The following SLC26A9 variants were observed in gnomAD, a reference collection of about 807,000 sequenced individuals.
SLC26A9 encodes anion transporter/exchanger protein 9.
A neutral mutation model predicts 87.1 loss-of-function variants in SLC26A9; 46 were observed. The observed-to-expected ratio is 0.53, with a 90% confidence interval of 0.42 to 0.67. The LOEUF is 0.67. SLC26A9 is among the 30% of genes least tolerant of loss of function. The pLI is 0.00. For missense variants in SLC26A9, 927 were observed against 1,018.3 expected, an observed-to-expected ratio of 0.91 and a Z score of 1.22; for synonymous variants, 437 against 409.1, an observed-to-expected ratio of 1.07 and a Z score of -0.82.
intron 2 of SLC26A9, among the ~76,000 whole-genome samples, chr1:205,934,343 T>G (rs1442023227): frequency 1.3e-5 from 2 of 152,154 alleles, no homozygotes; most frequent in Non-Finnish European, 2.9e-5. Flanking sequence ...AAAGCCTTGC[T>G]TGAAGAGAGA....
chr1:205,924,540 T>C, intron 12 of SLC26A9, 51 bp from the exon 13 acceptor site: 2 of 1,537,674 alleles, frequency 1.3e-6, no homozygotes, highest in Non-Finnish European at 1.8e-6. Flanking sequence ...ACAACCTCTT[T>C]CAGGAAGTCT....
At chr1:205,928,792 C>A in intron 8 of SLC26A9, 35 bp downstream of exon 8, 1 of 1,604,394 alleles carries the variant, frequency 6.2e-7, no homozygotes, top group Non-Finnish European at 8.5e-7. Context: ...GCATGAGGTG[C>A]GGGTGGGCCA....
At chr1:205,927,111 C>A in intron 11 of SLC26A9, 100 bp downstream of exon 11, 1 of 1,238,224 alleles carries the variant, frequency 8.1e-7, no homozygotes, top group Non-Finnish European at 1.2e-6. Flanking sequence ...CTAAGTGTGA[C>A]AACAGTGGCA....
chr1:205,929,496 A>C, intron 6 of SLC26A9, 140 bp from the exon 7 acceptor site: 1 of 1,332,590 alleles, frequency 7.5e-7, no homozygotes, highest in Non-Finnish European at 1.0e-6. Flanking sequence ...CTGATCAGGA[A>C]CCCTGTCCCG....
At chr1:205,915,681 GC>G (rs1658565286) in intron 20 of SLC26A9, among the ~76,000 whole-genome samples, 1 of 152,146 alleles carries the variant, frequency 6.6e-6, no homozygotes, top group Non-Finnish European at 1.5e-5. Context: ...CGTGTCCCTC[GC>G]CCCCTAATAG....
At position 205,921,644 on chromosome 1, in the gene SLC26A9, G is replaced by C. The variant is rs143824153; in HGVS notation, c.1977C>G (p.Phe659Leu). The C allele has an allele frequency of 4.8e-5, 77 of 1,608,976 alleles. No homozygotes were observed. Among genetic ancestry groups the C allele is most frequent in the Non-Finnish European group, 6.3e-5 (74 of 1,177,850 alleles). Residue 659 changes from phenylalanine (F) to leucine (L), a missense_variant, in exon 17 of 21, where the codon TTC becomes TTG. Physicochemically the swap from Phe to Leu is conservative, Grantham distance 22 (BLOSUM62 0). Transcript: ENST00000367135. Reference protein sequence around the residue: ...PSDMLASVPPFVTFHTLILDM... With the variant: ...PSDMLASVPPLVTFHTLILDM... ...CCAGGATGAGGGTGTGGAAGGTGAC[G>C]AAGGGTGGGACGCTGGCCAGCATGT...
chr1:205,935,908 T>C, intron 1 of SLC26A9, 70 bp from the exon 2 acceptor site: 2 of 1,506,968 alleles, frequency 1.3e-6, no homozygotes, highest in African/African-American at 1.4e-5. Flanking sequence ...GCCTTCTCTC[T>C]CTGGTCCTTG....
intron 1 of SLC26A9, 57 bp from the exon 2 acceptor site, chr1:205,935,895 CA>C: frequency 6.5e-7 from 1 of 1,532,154 alleles, no homozygotes; most frequent in African/African-American, 1.4e-5. Context: ...AGTGCCAGCC[CA>C]GGCCTTCTCT....
intron 14 of SLC26A9, 48 bp downstream of exon 14, chr1:205,923,496 G>A (rs765904060): frequency 6.2e-7 from 1 of 1,613,398 alleles, no homozygotes; most frequent in African/African-American, 1.3e-5. Flanking sequence ...ACCTCTTCTT[G>A]GGGTGGTGCA....
chr1:205,935,330 G>T (rs1891310), intron 2 of SLC26A9: 17,651 of 163,312 alleles, frequency 0.11, 1,339 homozygotes, highest in African/African-American at 0.21. Flanking sequence ...TTTTTTGTAA[G>T]GAGGGAACAG....
chr1:205,915,111 A>C lies in SLC26A9; in HGVS notation c.*246T>G. ...GCTTGTCCATTGCGGCCAGGGCCTGACGGGTGAAGAGTGGGCTCACCAGAC... is the reference window on the plus strand; with the variant it reads ...GCTTGTCCATTGCGGCCAGGGCCTGCCGGGTGAAGAGTGGGCTCACCAGAC... On this transcript the variant is annotated 3_prime_UTR_variant, in exon 21 of 21. Coordinates refer to ENST00000367135, the MANE Select transcript of SLC26A9 (RefSeq NM_052934.4). 6.2e-7 allele frequency: 1 copy of C among 1,613,964 alleles called. No individual in the cohort carries two copies. The highest frequency in any genetic ancestry group is 8.5e-7 in the Non-Finnish European group (1 of 1,179,920).
At chr1:205,935,454 T>C (rs138760555) in intron 2 of SLC26A9, among the ~76,000 whole-genome samples, 11 of 152,194 alleles carry the variant, frequency 7.2e-5, no homozygotes, top group Non-Finnish European at 1.3e-4. Flanking sequence ...GGAGATGCCA[T>C]GCAGGGGTTT....
chr1:205,940,246 A>G (rs1420592370), intron 1 of SLC26A9, among the ~76,000 whole-genome samples: 1 of 152,152 alleles, frequency 6.6e-6, no homozygotes, highest in Non-Finnish European at 1.5e-5. Context: ...CAAAGAGAAA[A>G]TAGACCCTGC....
At chr1:205,931,095 C>G (rs1659284712) in intron 5 of SLC26A9, among the ~76,000 whole-genome samples, 1 of 152,222 alleles carries the variant, frequency 6.6e-6, no homozygotes, top group Non-Finnish European at 1.5e-5. Context: ...GCGTTTTGCT[C>G]TTGCATTCTG....
intron 1 of SLC26A9, among the ~76,000 whole-genome samples, chr1:205,939,023 T>C (rs573478891): frequency 1.3e-5 from 2 of 152,254 alleles, no homozygotes; most frequent in South Asian, 4.1e-4. Context: ...CTCCCTTGCT[T>C]TACTGGAATA....
At chr1:205,927,679 A>G in intron 9 of SLC26A9, 74 bp from the exon 10 acceptor site, 1 of 1,465,604 alleles carries the variant, frequency 6.8e-7, no homozygotes. Context: ...TCAGGCATGC[A>G]AGCTGGACTG....
chr1:205,915,483 G>A, intron 20 of SLC26A9, 79 bp from the exon 21 acceptor site: 1 of 1,593,516 alleles, frequency 6.3e-7, no homozygotes, highest in Non-Finnish European at 8.6e-7. Flanking sequence ...GCAACCAAGA[G>A]GTGACCCTAG....
intron 1 of SLC26A9, among the ~76,000 whole-genome samples, chr1:205,941,676 G>A (rs374168974): frequency 3.5e-4 from 53 of 152,228 alleles, no homozygotes; most frequent in African/African-American, 1.2e-3. Flanking sequence ...ATCTCCAGGC[G>A]AACTCTCCCT....
intron 1 of SLC26A9, among the ~76,000 whole-genome samples, chr1:205,939,899 G>GTAGA (rs1558131381): frequency 2.6e-5 from 4 of 152,200 alleles, no homozygotes; most frequent in African/African-American, 9.7e-5. Flanking sequence ...TGCCAGAGGC[G>GTAGA]TGTATCTACA....
Sources: allele counts gnomAD v4.1 joint callset (sites outside exome capture counted in the v4.1 genomes callset), GRCh38; gene constraint gnomAD v4.1.1; transcripts MANE v1.5; gene names NCBI Gene and HGNC (gene_info 2026-07-23, HGNC 2026-07-21).